The following DISC1 variants were observed in gnomAD, a reference collection of about 807,000 sequenced individuals.
DISC1 encodes the protein disrupted in schizophrenia 1 protein.
Under a neutral mutation model 84.5 loss-of-function variants are expected in DISC1, and 57 were observed. That is an observed-to-expected ratio of 0.67 (90% confidence interval 0.55 to 0.84). The LOEUF is 0.84. Among genes scored for constraint, DISC1 ranks in the 40% least tolerant of loss-of-function variants. The probability of loss-of-function intolerance (pLI) is 0.00; values close to 1 mark genes in which losing one functional copy is unlikely to be tolerated. For missense variants in DISC1, 1,000 were observed against 1,057.8 expected, an observed-to-expected ratio of 0.95 and a Z score of 0.76; for synonymous variants, 411 against 415.2, an observed-to-expected ratio of 0.99 and a Z score of 0.12.
Position 231,698,751 on chromosome 1 carries a change from G to A in DISC1, c.1048-3204G>A, listed in dbSNP as rs1325135989. On this transcript the variant is annotated intron_variant, in intron 2 of 12. Coordinates refer to ENST00000439617, the MANE Select transcript of DISC1 (RefSeq NM_018662.3). The surrounding 1 kb of genome is among the most constrained non-coding windows in gnomAD (Gnocchi z 4.9). ...AATGATACCATCATTTGGGTGTGGC[G>A]ATGGTAATGCTATAGCTTTATGTGG... Among the ~76,000 whole-genome samples the A allele has an allele frequency of 2.0e-5, 3 of 152,138 alleles. No individual in the cohort carries two copies. The highest frequency in any genetic ancestry group is 7.2e-5 in the African/African-American group (3 of 41,422).
At chr1:231,973,394 G>A (rs1204069810) in intron 10 of DISC1, among the ~76,000 whole-genome samples, 2 of 152,154 alleles carry the variant, frequency 1.3e-5, no homozygotes, top group African/African-American at 4.8e-5. Flanking sequence ...TTTAGAAGAT[G>A]GCTACAACCT....
intron 10 of DISC1, among the ~76,000 whole-genome samples, chr1:231,999,858 C>A (rs1391806003): frequency 1.3e-5 from 2 of 149,342 alleles, no homozygotes; most frequent in African/African-American, 4.9e-5. Context: ...AAACAACCAA[C>A]TCCAAAACAA....
chr1:231,955,499 T>C (rs1209337254), intron 9 of DISC1, among the ~76,000 whole-genome samples: 3 of 151,904 alleles, frequency 2.0e-5, no homozygotes, highest in African/African-American at 7.3e-5. Flanking sequence ...TTTTTTTTTT[T>C]TTTTTGGAAA....
intron 9 of DISC1, among the ~76,000 whole-genome samples, chr1:231,820,725 A>G (rs919180336): frequency 1.3e-5 from 2 of 152,182 alleles, no homozygotes; most frequent in African/African-American, 2.4e-5. Flanking sequence ...GAGCTCATCT[A>G]TCCCCTTTAA....
chr1:231,798,507 A>G (rs897882962), intron 7 of DISC1, among the ~76,000 whole-genome samples: 1 of 152,180 alleles, frequency 6.6e-6, no homozygotes, highest in Non-Finnish European at 1.5e-5. Flanking sequence ...GATGAGACAT[A>G]AGAATTATGG....
At chr1:231,810,906 A>G (rs1399529312) in intron 8 of DISC1, among the ~76,000 whole-genome samples, 1 of 152,182 alleles carries the variant, frequency 6.6e-6, no homozygotes, top group Non-Finnish European at 1.5e-5. Flanking sequence ...TCTGATTTAG[A>G]GCAGGCCAGC....
intron 9 of DISC1, among the ~76,000 whole-genome samples, chr1:231,872,302 G>A (rs557338261): frequency 6.6e-6 from 1 of 152,106 alleles, no homozygotes; most frequent in South Asian, 2.1e-4. Context: ...AAATGTATGT[G>A]TCATGTGGTT....
chr1:231,731,613 T>C (rs2071524820), intron 3 of DISC1, among the ~76,000 whole-genome samples: 1 of 152,210 alleles, frequency 6.6e-6, no homozygotes, highest in Non-Finnish European at 1.5e-5. Flanking sequence ...GTTATATTTT[T>C]ATTAATATAT....
chr1:231,975,100 A>G (rs534577561), intron 10 of DISC1, among the ~76,000 whole-genome samples: 1 of 151,906 alleles, frequency 6.6e-6, no homozygotes, highest in South Asian at 2.1e-4. Context: ...CTCAATTTCA[A>G]AAGACAACAA....
chr1:231,667,808 A>G lies in DISC1; in HGVS notation c.68-26018A>G, dbSNP rs1558285236. Among the ~76,000 whole-genome samples the G allele has an allele frequency of 2.6e-5, 4 of 152,328 alleles. No homozygotes were observed. In the South Asian group the frequency reaches 6.2e-4, roughly 24 times the overall value. On this transcript the variant is annotated intron_variant, in intron 1 of 12. Coordinates refer to ENST00000439617, the MANE Select transcript of DISC1 (RefSeq NM_018662.3). ...AGGACATTAAAAAATAAATATTATT[A>G]GCATTTATAAAGATGCTTTTTCCAT...
intron 6 of DISC1, among the ~76,000 whole-genome samples, chr1:231,783,592 A>T (rs1234217022): frequency 6.6e-6 from 1 of 152,232 alleles, no homozygotes; most frequent in Admixed American, 6.5e-5. Flanking sequence ...CCAAATACCA[A>T]GTTCATCAGT....
intron 9 of DISC1, among the ~76,000 whole-genome samples, chr1:231,853,640 G>A (rs1023688647): frequency 1.3e-5 from 2 of 152,194 alleles, no homozygotes; most frequent in Admixed American, 6.5e-5. Flanking sequence ...ATGGGAACAG[G>A]TACTGGCTTC....
At chr1:231,904,763 G>T (rs2088499804) in intron 9 of DISC1, among the ~76,000 whole-genome samples, 5 of 152,088 alleles carry the variant, frequency 3.3e-5, no homozygotes, top group Admixed American at 2.6e-4. Flanking sequence ...AATACAAGCA[G>T]GGAAATTGCA....
chr1:231,840,276 T>C (rs2082939636), intron 9 of DISC1, among the ~76,000 whole-genome samples: 1 of 152,176 alleles, frequency 6.6e-6, no homozygotes, highest in South Asian at 2.1e-4. Flanking sequence ...ACACTTGCCA[T>C]GTGACCTGGC....
At chr1:231,924,041 G>A (rs1471125432) in intron 9 of DISC1, among the ~76,000 whole-genome samples, 1 of 152,186 alleles carries the variant, frequency 6.6e-6, no homozygotes, top group African/African-American at 2.4e-5. Context: ...GGGCTTAAGG[G>A]TCGCTTATTT....
intron 5 of DISC1, 23 bp from the exon 6 acceptor site, chr1:231,770,812 T>A: frequency 6.2e-7 from 1 of 1,610,276 alleles, no homozygotes; most frequent in South Asian, 1.1e-5. Context: ...ATTTATAAAA[T>A]CTTGTCTCCT....
intron 10 of DISC1, among the ~76,000 whole-genome samples, chr1:231,961,093 A>C (rs997569169): frequency 6.6e-6 from 1 of 152,232 alleles, no homozygotes; most frequent in African/African-American, 2.4e-5. Context: ...ATATTCAGCT[A>C]TCTGGAAGCT....
intron 9 of DISC1, among the ~76,000 whole-genome samples, chr1:231,923,306 C>CAAAAAAAAAAAAAAAAAAAA (rs1558738260): frequency 3.7e-5 from 4 of 109,374 alleles, no homozygotes; most frequent in African/African-American, 6.3e-5. Context: ...ACAAAAAAAA[C>CAAAAAAAAAAAAAAAAAAAA]CAAAAAAAAA....
intron 9 of DISC1, among the ~76,000 whole-genome samples, chr1:231,911,060 T>C (rs1053532492): frequency 3.9e-5 from 6 of 152,256 alleles, no homozygotes; most frequent in African/African-American, 1.2e-4. Context: ...ATTTTGAGCC[T>C]ATGTGTGTCT....
Sources: allele counts gnomAD v4.1 joint callset (sites outside exome capture counted in the v4.1 genomes callset), GRCh38; gene constraint gnomAD v4.1.1; non-coding constraint Gnocchi (gnomAD v3.1); transcripts MANE v1.5; gene names NCBI Gene and HGNC (gene_info 2026-07-23, HGNC 2026-07-21).